The following IL5 variants were observed in gnomAD, a reference collection of about 807,000 sequenced individuals.
IL5 encodes interleukin-5.
In IL5, 12 loss-of-function variants were observed where a neutral mutation model predicts 16.3. The observed-to-expected ratio is 0.74, with a 90% CI of 0.47 to 1.20. The LOEUF (loss-of-function observed/expected upper bound fraction) is 1.20, where lower values mean the gene tolerates loss of function less well. IL5 is among the 50% of genes most tolerant of loss of function. The pLI, the probability that IL5 is intolerant of heterozygous loss-of-function variation, is 0.00. For synonymous variants in IL5, 54 were observed against 56.6 expected (o/e 0.95, Z 0.21); for missense variants, 159 against 153.9 (o/e 1.03, Z -0.17).
At position 132,542,067 on chromosome 5, in the gene IL5, T is replaced by A; in HGVS notation, c.254A>T (p.Glu85Val). 6 of 1,613,906 alleles carry A rather than the reference T, an allele frequency of 3.7e-6. No individual in the cohort carries two copies. The highest frequency in any genetic ancestry group is 5.1e-6 in the Non-Finnish European group (6 of 1,179,806). ...TAAGGACAAGTTTTTGAATAGTCTT[T>A]CCACAGTACCCCCTTGCACAGTTTG... The part of the protein sequence containing the change: ...ESQTVQGGTV[E>V]RLFKNLSLIK... Residue 85 changes from glutamate (E) to valine (V), a missense_variant, in exon 3 of 4, where the codon GAA becomes GTA. Physicochemically the swap from Glu to Val is moderately radical, Grantham distance 121 (BLOSUM62 -2). Transcript: ENST00000231454.
At chr5:132,549,120 A>G (rs1749842060) in intron 1 of IL5, among the ~76,000 whole-genome samples, 1 of 152,132 alleles carries the variant, frequency 6.6e-6, no homozygotes, top group East Asian at 1.9e-4. Flanking sequence ...CAGTGGTGCA[A>G]TCTCGGCTCA....
upstream of IL5, among the ~76,000 whole-genome samples, chr5:132,546,626 A>G (rs1209948314): frequency 6.6e-6 from 1 of 152,092 alleles, no homozygotes; most frequent in Non-Finnish European, 1.5e-5. Flanking sequence ...ACAAAATTAA[A>G]TTTCTTATAA....
chr5:132,544,152 A>G (rs1440633731), upstream of IL5, among the ~76,000 whole-genome samples: 1 of 151,630 alleles, frequency 6.6e-6, no homozygotes, highest in East Asian at 1.9e-4. Context: ...GGCTTCAGTG[A>G]CTCTTCCTTG....
In IL5 at chr5:132,542,089, T is replaced by G; in HGVS notation, c.232A>C (p.Thr78Pro). 1 of 1,613,616 alleles carries G rather than the reference T, an allele frequency of 6.2e-7. No homozygotes were observed. The highest frequency in any genetic ancestry group is 1.1e-5 in the South Asian group (1 of 91,034). ...FQGIGTLESQTVQGGTVERLF... is the reference protein window; with the variant it reads ...FQGIGTLESQPVQGGTVERLF... ...CTTTCCACAGTACCCCCTTGCACAG[T>G]TTGACTCTCCAGTGTGCCTATTCCC... The change falls in exon 3 of 4, where the codon ACT (threonine) becomes CCT (proline). Residue 78 changes from threonine to proline, a missense_variant. By Grantham distance (38) the Thr-to-Pro change is conservative. Transcript: ENST00000231454.
chr5:132,556,121 T>C (rs1749979469), intron 1 of IL5: 1 of 152,204 alleles, frequency 6.6e-6, no homozygotes, highest in Admixed American at 6.5e-5. Context: ...ATTTCCTACA[T>C]TTTTCCAAGG....
chr5:132,552,662 TC>T (rs1749902775), intron 1 of IL5, among the ~76,000 whole-genome samples: 1 of 152,160 alleles, frequency 6.6e-6, no homozygotes, highest in Non-Finnish European at 1.5e-5. Flanking sequence ...CACTAATACT[TC>T]CATATGCATC....
chr5:132,553,158 G>A (rs1039109163), intron 1 of IL5, among the ~76,000 whole-genome samples: 6 of 152,088 alleles, frequency 3.9e-5, no homozygotes, highest in African/African-American at 1.4e-4. Context: ...TTTTTAATAA[G>A]TCTTTTAAAA....
upstream of IL5, among the ~76,000 whole-genome samples, chr5:132,544,340 T>A (rs1427650862): frequency 1.3e-5 from 2 of 152,230 alleles, no homozygotes; most frequent in Non-Finnish European, 2.9e-5. Context: ...ATCCTTGAAC[T>A]GTGACCAGGG....
At chr5:132,548,513 C>G (rs921808707), upstream of IL5, among the ~76,000 whole-genome samples, 1 of 152,196 alleles carries the variant, frequency 6.6e-6, no homozygotes, top group Admixed American at 6.5e-5. Flanking sequence ...CACGTTATTT[C>G]ATTATACTGT....
intron 1 of IL5, among the ~76,000 whole-genome samples, chr5:132,553,497 T>C (rs1749916722): frequency 6.6e-6 from 1 of 152,248 alleles, no homozygotes; most frequent in Admixed American, 6.5e-5. Context: ...TAGAGGTAAT[T>C]ACATTTCTTG....
Position 132,541,752 on chromosome 5 carries a change from C to A in IL5, c.*59G>T. On this transcript the variant is annotated 3_prime_UTR_variant, in exon 4 of 4. Transcript: ENST00000231454. ...CTGACTCTTTCTTGGCCCTCATTCT[C>A]ACTGCAGTAAAATGTCCTTCTCCTC... is the stretch of plus-strand genomic sequence containing the variant. The A allele has an allele frequency of 9.6e-7, 1 of 1,037,886 alleles. No individual in the cohort carries two copies. The highest frequency in any genetic ancestry group is 1.4e-5 in the South Asian group (1 of 73,050). The allele number at this position is 1,037,886 out of a possible 1,614,324, so 64.3% of individuals were successfully genotyped here.
At chr5:132,549,402 G>T (rs765287048) in intron 1 of IL5, among the ~76,000 whole-genome samples, 9 of 152,098 alleles carry the variant, frequency 5.9e-5, no homozygotes, top group Non-Finnish European at 1.0e-4. Context: ...ACAAACAACA[G>T]GAGTTCTTTG....
At position 132,543,102 on chromosome 5, in the gene IL5, G is replaced by A. The variant is rs1423504314; in HGVS notation, c.169C>T (p.His57Tyr). 3 of 1,602,410 alleles carry A rather than the reference G, an allele frequency of 1.9e-6. No individual in the cohort carries two copies. Among genetic ancestry groups the A allele is most frequent in the South Asian group, 1.1e-5 (1 of 90,382 alleles). ...ATCATAATTTAACTTACATTTTTAT[G>A]TACAGGAACAGGAATCCTCAGAGTC... ...NETLRIPVPVHKNHQLCTEEI... is the reference protein window; with the variant it reads ...NETLRIPVPVYKNHQLCTEEI... The change falls in exon 2 of 4, where the codon CAT becomes TAT. Residue 57 changes from histidine (H) to tyrosine (Y), a missense_variant. Physicochemically the swap from His to Tyr is moderately conservative, Grantham distance 83. Coordinates refer to ENST00000231454, the MANE Select transcript of IL5 (RefSeq NM_000879.3).
intron 1 of IL5, among the ~76,000 whole-genome samples, chr5:132,550,867 G>C (rs1749872871): frequency 6.6e-6 from 1 of 152,052 alleles, no homozygotes; most frequent in East Asian, 1.9e-4. Context: ...GAATAATGCT[G>C]GTTTAAAAAT....
At chr5:132,556,595 T>C (rs1205343671) in intron 1 of IL5, 4 of 929,216 alleles carry the variant, frequency 4.3e-6, no homozygotes, top group African/African-American at 1.8e-5. Flanking sequence ...TCACATGTTA[T>C]GTGATCACTG....
chr5:132,541,624 T>C lies in IL5; in HGVS notation c.*187A>G. ...GAGGAAAATACTTCAATGATTCTGATATCTGAAATATATTTTAAGAATTTT... is the reference window on the plus strand; with the variant it reads ...GAGGAAAATACTTCAATGATTCTGACATCTGAAATATATTTTAAGAATTTT... On this transcript the variant is annotated 3_prime_UTR_variant, in exon 4 of 4. Coordinates refer to ENST00000231454, the MANE Select transcript of IL5 (RefSeq NM_000879.3). 1 of 478,556 alleles carries C rather than the reference T, an allele frequency of 2.1e-6. No homozygotes were observed. The allele number at this position is 478,556 out of a possible 1,614,324, so 29.6% of individuals were successfully genotyped here.
In IL5 at chr5:132,542,080, C is replaced by G. The variant is rs1321608930; in HGVS notation, c.241G>C (p.Gly81Arg). The change falls in exon 3 of 4, where the codon GGG becomes CGG. Residue 81 changes from glycine to arginine, a missense_variant. By Grantham distance (125) the Gly-to-Arg change is moderately radical. Coordinates refer to ENST00000231454, the MANE Select transcript of IL5 (RefSeq NM_000879.3). ...TTGAATAGTCTTTCCACAGTACCCC[C>G]TTGCACAGTTTGACTCTCCAGTGTG... ...IGTLESQTVQ[G>R]GTVERLFKNL... The G allele has an allele frequency of 2.4e-5, 39 of 1,613,640 alleles. No individual in the cohort carries two copies. Among genetic ancestry groups the G allele is most frequent in the Non-Finnish European group, 3.3e-5 (39 of 1,179,574 alleles).
intron 1 of IL5, among the ~76,000 whole-genome samples, chr5:132,549,848 G>A (rs536637086): frequency 1.5e-4 from 23 of 152,120 alleles, no homozygotes; most frequent in Admixed American, 2.6e-4. Context: ...GACTCTATTC[G>A]AAATTCTATC....
upstream of IL5, chr5:132,543,771 T>C (rs1749741852): frequency 4.2e-6 from 1 of 238,236 alleles, no homozygotes; most frequent in Non-Finnish European, 8.1e-6. Flanking sequence ...TTGCATTTCT[T>C]AAAATCAGAA....
Sources: allele counts gnomAD v4.1 joint callset (sites outside exome capture counted in the v4.1 genomes callset), GRCh38; gene constraint gnomAD v4.1.1; transcripts MANE v1.5; gene names NCBI Gene and HGNC (gene_info 2026-07-23, HGNC 2026-07-21).